MYL12B: variants seen among roughly 807,000 people sequenced by gnomAD.
The protein encoded by MYL12B is myosin light chain 12B.
Under a neutral mutation model 12.9 loss-of-function variants are expected in MYL12B, and 3 were observed. The observed-to-expected ratio is 0.23, with a 90% CI of 0.11 to 0.60. The LOEUF (loss-of-function observed/expected upper bound fraction) is 0.60, where lower values mean the gene tolerates loss of function less well. Ranked by LOEUF, MYL12B falls within the 20% of genes least tolerant of loss-of-function variation. MYL12B has a pLI of 0.89. For synonymous variants in MYL12B, 57 were observed against 71.9 expected (o/e 0.79, Z 1.05); for missense variants, 120 against 215.4 (o/e 0.56, Z 2.77).
In MYL12B at chr18:3,272,876, T is replaced by A. The variant is rs7407072; in HGVS notation, c.-15-8T>A. ...GTTTTACGTTTTTGTGTTTTTTTTTTAATCCAGAATTAAACAACCACCATG... is the reference window on the plus strand; with the variant it reads ...GTTTTACGTTTTTGTGTTTTTTTTTAAATCCAGAATTAAACAACCACCATG... On this transcript the variant is annotated splice_polypyrimidine_tract_variant and splice_region_variant and intron_variant, in intron 1 of 3. Coordinates refer to ENST00000237500, the MANE Select transcript of MYL12B (RefSeq NM_033546.4). 1,446,518 of 1,495,848 alleles carry A rather than the reference T, an allele frequency of 0.97. 699,979 individuals are homozygous for A. Among genetic ancestry groups the A allele is most frequent in the Non-Finnish European group, 0.98 (1,090,711 of 1,114,618 alleles). The allele number at this position is 1,495,848 out of a possible 1,614,324, so 92.7% of individuals were successfully genotyped here. A position where few individuals can be genotyped will look rare whatever the true frequency, so the allele number is the denominator to read the frequency against.
chr18:3,275,653 A>G (rs1425994061), intron 2 of MYL12B, among the ~76,000 whole-genome samples: 1 of 152,214 alleles, frequency 6.6e-6, no homozygotes, highest in Non-Finnish European at 1.5e-5. Flanking sequence ...TTTCAAATCA[A>G]CAGATTACAT....
Position 3,262,179 on chromosome 18 carries a change from T to A in MYL12B, c.-74T>A, listed in dbSNP as rs1017994015. ...CCACTGTCCGGCCACAGCCTAACGC[T>A]CTTCGCTGTCGTTTGTGGTCTCGCG... On this transcript the variant is annotated 5_prime_UTR_variant, in exon 1 of 4. Coordinates refer to ENST00000237500, the MANE Select transcript of MYL12B (RefSeq NM_033546.4). 6.6e-6 allele frequency: 1 copy of A among 152,118 alleles called. No individual in the cohort carries two copies. The highest frequency in any genetic ancestry group is 2.4e-5 in the African/African-American group (1 of 41,444). 9.4% of individuals were successfully genotyped at this position (152,118 alleles called of 1,614,324 possible).
At chr18:3,265,469 A>G (rs1050197647) in intron 1 of MYL12B, among the ~76,000 whole-genome samples, 9 of 151,808 alleles carry the variant, frequency 5.9e-5, no homozygotes, top group Non-Finnish European at 1.0e-4. Flanking sequence ...CCCAAGAACT[A>G]CTCTCTGCTT....
intron 1 of MYL12B, among the ~76,000 whole-genome samples, chr18:3,266,196 C>A (rs560771180): frequency 6.6e-6 from 1 of 152,264 alleles, no homozygotes; most frequent in South Asian, 2.1e-4. Flanking sequence ...GGGGAGGCTG[C>A]AGTCGTCTGA....
chr18:3,273,138 T>G, intron 2 of MYL12B, 56 bp downstream of exon 2: 1 of 1,494,258 alleles, frequency 6.7e-7, no homozygotes, highest in South Asian at 1.4e-5. Flanking sequence ...TGTCTCTTTA[T>G]GAATCTTTTT....
Position 3,269,607 on chromosome 18 carries a change from A to G in MYL12B, c.-15-3277A>G, listed in dbSNP as rs77128717. On this transcript the variant is annotated intron_variant, in intron 1 of 3. Transcript: ENST00000237500. ...ATGGGTGCCTTTCACAGGCATTTGG[A>G]TGTTTGAGTCCAAGGCTCCAAGGAA... Among the ~76,000 whole-genome samples the G allele has an allele frequency of 8.0e-3, 1,223 of 152,218 alleles. 30 individuals carry two copies. The highest frequency in any genetic ancestry group is 0.028 in the African/African-American group (1,182 of 41,532).
chr18:3,276,150 C>G (rs951950747), intron 2 of MYL12B, among the ~76,000 whole-genome samples: 3 of 151,520 alleles, frequency 2.0e-5, no homozygotes, highest in African/African-American at 7.3e-5. Flanking sequence ...TTTGAGATAC[C>G]AACTTTAACC....
intron 2 of MYL12B, 56 bp from the exon 3 acceptor site, chr18:3,277,197 T>C: frequency 7.0e-7 from 1 of 1,437,952 alleles, no homozygotes; most frequent in South Asian, 1.5e-5. Flanking sequence ...AATAGTGAAA[T>C]AACTATTGAA....
intron 1 of MYL12B, among the ~76,000 whole-genome samples, chr18:3,266,040 A>G (rs2081631856): frequency 1.3e-5 from 2 of 152,230 alleles, no homozygotes; most frequent in Non-Finnish European, 2.9e-5. Flanking sequence ...GAGGTCAAGG[A>G]GACAGTGGCT....
intron 2 of MYL12B, among the ~76,000 whole-genome samples, chr18:3,275,149 A>G (rs1189412567): frequency 6.6e-6 from 1 of 152,178 alleles, no homozygotes; most frequent in African/African-American, 2.4e-5. Flanking sequence ...AAAAAATGAG[A>G]TCCTGTCATT....
intron 2 of MYL12B, among the ~76,000 whole-genome samples, chr18:3,275,388 T>C (rs925780669): frequency 6.6e-6 from 1 of 152,128 alleles, no homozygotes; most frequent in Non-Finnish European, 1.5e-5. Flanking sequence ...GATCTAGTAT[T>C]GGATAGAATA....
chr18:3,274,597 C>T (rs958086169), intron 2 of MYL12B, among the ~76,000 whole-genome samples: 7 of 152,180 alleles, frequency 4.6e-5, no homozygotes, highest in Non-Finnish European at 8.8e-5. Context: ...GATTACAGCT[C>T]GGCATATGCC....
At chr18:3,263,710 T>A (rs1411761462) in intron 1 of MYL12B, among the ~76,000 whole-genome samples, 1 of 152,258 alleles carries the variant, frequency 6.6e-6, no homozygotes, top group East Asian at 1.9e-4. Context: ...CATACCCTTT[T>A]TGCCAGCATC....
chr18:3,275,781 CA>C (rs902864870), intron 2 of MYL12B, among the ~76,000 whole-genome samples: 14 of 152,190 alleles, frequency 9.2e-5, no homozygotes, highest in South Asian at 2.1e-4. Context: ...TTCTTCCCCC[CA>C]AAAAATGCTG....
chr18:3,272,751 T>C, intron 1 of MYL12B, 133 bp from the exon 2 acceptor site: 1 of 842,416 alleles, frequency 1.2e-6, no homozygotes, highest in Non-Finnish European at 1.7e-6. Context: ...GGTGCATACT[T>C]ATTCCTACCC....
chr18:3,264,925 T>C (rs913345382), intron 1 of MYL12B, among the ~76,000 whole-genome samples: 27 of 152,288 alleles, frequency 1.8e-4, no homozygotes, highest in African/African-American at 5.5e-4. Flanking sequence ...TAAAAACTTA[T>C]TAAGGTTTGT....
intron 1 of MYL12B, among the ~76,000 whole-genome samples, chr18:3,266,317 TG>T (rs2081633878): frequency 6.6e-6 from 1 of 151,820 alleles, no homozygotes; most frequent in South Asian, 2.1e-4. Flanking sequence ...GCTGTGTGTC[TG>T]CATGACCTGG....
chr18:3,265,316 T>C (rs927339285), intron 1 of MYL12B, among the ~76,000 whole-genome samples: 1 of 152,236 alleles, frequency 6.6e-6, no homozygotes, highest in African/African-American at 2.4e-5. Context: ...GGACTGTTGC[T>C]TATATATCCA....
chr18:3,276,874 A>G, intron 2 of MYL12B: 1 of 947,068 alleles, frequency 1.1e-6, no homozygotes, highest in South Asian at 4.9e-5. Context: ...CAGTCTTTAC[A>G]AAAAACAAAA....
Sources: allele counts gnomAD v4.1 joint callset (sites outside exome capture counted in the v4.1 genomes callset), GRCh38; gene constraint gnomAD v4.1.1; transcripts MANE v1.5; gene names NCBI Gene and HGNC (gene_info 2026-07-23, HGNC 2026-07-21).